IGSF5: variants seen among roughly 807,000 people sequenced by gnomAD.
IGSF5 encodes immunoglobulin superfamily 5 like.
Under a neutral mutation model 39.4 loss-of-function variants are expected in IGSF5, and 41 were observed. The ratio of observed to expected loss-of-function variants is 1.04; its 90% CI spans 0.81 to 1.35. IGSF5 has a LOEUF of 1.35. Ranked by LOEUF, IGSF5 falls within the 40% of genes most tolerant of loss-of-function variation. The pLI, the probability that IGSF5 is intolerant of heterozygous loss-of-function variation, is 0.00. For synonymous variants in IGSF5, 183 were observed against 175.3 expected (o/e 1.04, Z -0.34); for missense variants, 487 against 494.6 (o/e 0.98, Z 0.15).
chr21:39,757,433 G>C (rs540236890), intron 2 of IGSF5, among the ~76,000 whole-genome samples: 1 of 152,096 alleles, frequency 6.6e-6, no homozygotes, highest in Non-Finnish European at 1.5e-5. Context: ...TGGGCTGGCG[G>C]GTGGTGTAAG....
At chr21:39,753,920 G>GTT (rs59611119) in intron 2 of IGSF5, among the ~76,000 whole-genome samples, 62 of 151,638 alleles carry the variant, frequency 4.1e-4, no homozygotes, top group African/African-American at 6.0e-4. Context: ...TTTGGTTGGT[G>GTT]TTTTTTTGTT....
intron 6 of IGSF5, among the ~76,000 whole-genome samples, chr21:39,789,981 T>A (rs550694879): frequency 2.0e-4 from 31 of 152,272 alleles, no homozygotes; most frequent in Non-Finnish European, 3.5e-4. Context: ...ACGTTACAGG[T>A]GTGTAGCTTG....
intron 2 of IGSF5, among the ~76,000 whole-genome samples, chr21:39,759,178 A>T (rs1389889935): frequency 6.6e-6 from 1 of 152,248 alleles, no homozygotes. Context: ...GGAATCAAAT[A>T]GAATGGGCAG....
At chr21:39,727,192 C>G in the IGSF5 span, among the ~76,000 whole-genome samples, 16,631 of 152,246 alleles carry the variant, frequency 0.11, 2,950 homozygotes, top group African/African-American at 0.38. Context: ...TCCCTGAGAA[C>G]TTATATTCCA....
At chr21:39,750,031 A>G (rs9941848) in intron 2 of IGSF5, among the ~76,000 whole-genome samples, 16,408 of 152,194 alleles carry the variant, frequency 0.11, 2,884 homozygotes, top group African/African-American at 0.37. Context: ...AATTTTTCTC[A>G]TGGGCAAATT....
the IGSF5 span, among the ~76,000 whole-genome samples, chr21:39,714,145 G>T: frequency 6.6e-6 from 1 of 152,354 alleles, no homozygotes; most frequent in East Asian, 1.9e-4. Context: ...GCTTGGCTGT[G>T]TGCCTTGTCT....
At chr21:39,726,898 G>A in the IGSF5 span, among the ~76,000 whole-genome samples, 1 of 152,120 alleles carries the variant, frequency 6.6e-6, no homozygotes, top group East Asian at 1.9e-4. Context: ...CCACTGCTTT[G>A]ACCACATATG....
chr21:39,764,954 G>A (rs1389049354), intron 2 of IGSF5, among the ~76,000 whole-genome samples: 1 of 152,188 alleles, frequency 6.6e-6, no homozygotes, highest in Non-Finnish European at 1.5e-5. Context: ...CTGGGATGTT[G>A]CCAGCTGGCA....
intron 5 of IGSF5, among the ~76,000 whole-genome samples, chr21:39,779,906 G>T (rs1367902067): frequency 1.3e-5 from 2 of 152,178 alleles, no homozygotes; most frequent in African/African-American, 4.8e-5. Flanking sequence ...GTGGGAATGG[G>T]GGTTGGGGAG....
rs371965247 is a variant in IGSF5 at position 39,779,204 on chromosome 21, C to T, written c.833C>T (p.Thr278Met). ...GLGLAGTMLL[T>M]PTCTLTIRCC... ...GGACTAGCAGGCACCATGCTTCTGA[C>T]GCCGACGTGTACTCTTACAATACGC... The change falls in exon 5 of 9, where the codon ACG (threonine) becomes ATG (methionine). Residue 278 changes from threonine (T) to methionine (M), a missense_variant. Transcript: ENST00000380588. 42 of 1,613,980 alleles carry T rather than the reference C, an allele frequency of 2.6e-5. No individual in the cohort carries two copies. Among genetic ancestry groups the T allele is most frequent in the South Asian group, 1.5e-4 (14 of 91,082 alleles).
the IGSF5 span, among the ~76,000 whole-genome samples, chr21:39,731,165 AG>A: frequency 6.6e-6 from 1 of 152,208 alleles, no homozygotes. Context: ...AGTAATTTGA[AG>A]ATGTGGTGGT....
At chr21:39,747,929 A>C (rs1207158422) in intron 2 of IGSF5, among the ~76,000 whole-genome samples, 1 of 147,056 alleles carries the variant, frequency 6.8e-6, no homozygotes, top group African/African-American at 2.7e-5. Flanking sequence ...AGTGCACATG[A>C]AAAACTCTGG....
At chr21:39,752,917 T>C (rs1212370428) in intron 2 of IGSF5, among the ~76,000 whole-genome samples, 4 of 152,208 alleles carry the variant, frequency 2.6e-5, no homozygotes, top group Non-Finnish European at 5.9e-5. Context: ...GTTGGAGGCA[T>C]AGTTTGCAAA....
At chr21:39,714,189 G>A in the IGSF5 span, among the ~76,000 whole-genome samples, 3 of 152,210 alleles carry the variant, frequency 2.0e-5, no homozygotes, top group Non-Finnish European at 4.4e-5. Context: ...TTCTACATGG[G>A]CTCAGCAGCT....
chr21:39,739,265 G>C, the IGSF5 span, among the ~76,000 whole-genome samples: 7 of 135,564 alleles, frequency 5.2e-5, no homozygotes, highest in African/African-American at 2.1e-4. Context: ...TTTTTTTTTT[G>C]CAGTTGAAAG....
intron 5 of IGSF5, among the ~76,000 whole-genome samples, chr21:39,784,670 C>T (rs1332404057): frequency 6.6e-6 from 1 of 151,880 alleles, no homozygotes. Context: ...CTGCCACAGC[C>T]TACTTACAAT....
intron 2 of IGSF5, among the ~76,000 whole-genome samples, chr21:39,758,591 C>G (rs2080044653): frequency 6.6e-6 from 1 of 152,166 alleles, no homozygotes. Context: ...TTGTGTGTGA[C>G]ACTTCCTCTT....
At chr21:39,790,764 C>T (rs1433880057) in intron 6 of IGSF5, among the ~76,000 whole-genome samples, 1 of 152,164 alleles carries the variant, frequency 6.6e-6, no homozygotes, top group African/African-American at 2.4e-5. Context: ...TGGGGAAATA[C>T]AGCTGATTCT....
the IGSF5 span, among the ~76,000 whole-genome samples, chr21:39,719,129 T>C: frequency 1.3e-5 from 2 of 152,218 alleles, no homozygotes; most frequent in African/African-American, 4.8e-5. Flanking sequence ...TTCTAGTTTG[T>C]GTGCATAGAG....
Sources: allele counts gnomAD v4.1 joint callset (sites outside exome capture counted in the v4.1 genomes callset), GRCh38; gene constraint gnomAD v4.1.1; transcripts MANE v1.5; gene names NCBI Gene and HGNC (gene_info 2026-07-23, HGNC 2026-07-21).